Variants in CUL3 observed in about 807,000 individuals in gnomAD.
The protein encoded by CUL3 is cullin-3.
CUL3 carries 19 observed loss-of-function variants against 89.1 expected under a neutral mutation model. That is an observed-to-expected ratio of 0.21 (90% confidence interval 0.15 to 0.31). CUL3 has a LOEUF of 0.31. Among genes scored for constraint, CUL3 ranks in the 10% least tolerant of loss-of-function variants. The pLI is 1.00. For synonymous variants in CUL3, 351 were observed against 308.4 expected, an observed-to-expected ratio of 1.14 and a Z score of -1.45; for missense variants, 469 against 942.3, an observed-to-expected ratio of 0.50 and a Z score of 6.58.
Position 224,473,283 on chromosome 2 carries a change from T to C in CUL3, c.*962A>G, listed in dbSNP as rs1226303070. ...ACCACAGCTTCACCAAAATATATATTTAGGGGCAGGGAGGACCTAGGGTAT... is the reference window on the plus strand; with the variant it reads ...ACCACAGCTTCACCAAAATATATATCTAGGGGCAGGGAGGACCTAGGGTAT... On this transcript the variant is annotated 3_prime_UTR_variant, in exon 16 of 16. Transcript: ENST00000264414. 5.2e-6 allele frequency: 1 copy of C among 191,476 alleles called. No individual in the cohort carries two copies. Among genetic ancestry groups the C allele is most frequent in the African/African-American group, 2.3e-5 (1 of 43,008 alleles). 11.9% of individuals were successfully genotyped at this position (191,476 alleles called of 1,614,324 possible). A position where few individuals can be genotyped will look rare whatever the true frequency, so the allele number is the denominator to read the frequency against.
intron 14 of CUL3, chr2:224,478,648 G>C (rs745826272): frequency 4.3e-6 from 1 of 234,234 alleles, no homozygotes; most frequent in Non-Finnish European, 8.4e-6. Context: ...AAAATTACCA[G>C]TAAATAATTT....
At chr2:224,483,174 T>G (rs1254323297) in intron 13 of CUL3, among the ~76,000 whole-genome samples, 1 of 152,204 alleles carries the variant, frequency 6.6e-6, no homozygotes, top group Non-Finnish European at 1.5e-5. Flanking sequence ...TAGGTGCTAT[T>G]ATTAGAATGA....
At chr2:224,482,228 A>T (rs1691560799) in intron 13 of CUL3, 150 bp from the exon 14 acceptor site, 4 of 527,192 alleles carry the variant, frequency 7.6e-6, no homozygotes, top group Non-Finnish European at 1.3e-5. Context: ...ACTATGACAC[A>T]TCATTAAAAT....
intron 3 of CUL3, among the ~76,000 whole-genome samples, chr2:224,526,585 C>CAAAAAA (rs1166152595): frequency 1.3e-3 from 35 of 26,120 alleles, no homozygotes; most frequent in Non-Finnish European, 1.6e-3. Context: ...GACTCCGTCT[C>CAAAAAA]AAAAAAAAAA....
chr2:224,527,615 C>A (rs181719514), intron 3 of CUL3, among the ~76,000 whole-genome samples: 94 of 152,314 alleles, frequency 6.2e-4, no homozygotes, highest in Non-Finnish European at 4.4e-5. Flanking sequence ...TCCAGCCACA[C>A]ATTGATATAA....
rs1434811723 is a variant in CUL3, at chr2:224,471,273, T to C, written c.*2972A>G. ...ATATACTCTATAAAAAATTATTCTA[T>C]GAAAGTCTTAAGTTACAGTAGACAG... is the stretch of plus-strand genomic sequence containing the variant. On this transcript the variant is annotated 3_prime_UTR_variant, in exon 16 of 16. Transcript: ENST00000264414. The C allele has an allele frequency of 9.7e-6, 2 of 205,690 alleles. No homozygotes were observed. Among genetic ancestry groups the C allele is most frequent in the African/African-American group, 4.6e-5 (2 of 43,822 alleles). 12.7% of individuals were successfully genotyped at this position (205,690 alleles called of 1,614,324 possible). A position where few individuals can be genotyped will look rare whatever the true frequency, so the allele number is the denominator to read the frequency against.
chr2:224,534,169 G>C (rs1389817308), intron 3 of CUL3, among the ~76,000 whole-genome samples: 2 of 152,164 alleles, frequency 1.3e-5, no homozygotes, highest in African/African-American at 4.8e-5. Flanking sequence ...AATGAATCTA[G>C]CGTCATTCTA....
chr2:224,476,141 A>C (rs2106137984), intron 15 of CUL3, among the ~76,000 whole-genome samples: 1 of 151,924 alleles, frequency 6.6e-6, no homozygotes, highest in Non-Finnish European at 1.5e-5. Flanking sequence ...CTCCTGCCTC[A>C]GCCTCCCGAG....
intron 1 of CUL3, among the ~76,000 whole-genome samples, chr2:224,579,272 T>C (rs1297624761): frequency 2.6e-5 from 4 of 152,192 alleles, no homozygotes; most frequent in Non-Finnish European, 5.9e-5. Context: ...AATGAATCTG[T>C]TTCACTTTGT....
chr2:224,545,875 T>C (rs1034377112), intron 2 of CUL3, among the ~76,000 whole-genome samples: 6 of 152,180 alleles, frequency 3.9e-5, no homozygotes, highest in African/African-American at 1.2e-4. Flanking sequence ...TAAAGATAAT[T>C]TGCTACGTGT....
intron 2 of CUL3, among the ~76,000 whole-genome samples, chr2:224,551,527 G>A (rs1328466987): frequency 7.0e-6 from 1 of 143,288 alleles, no homozygotes; most frequent in Non-Finnish European, 1.5e-5. Context: ...TTTTTTTGTA[G>A]AGACAAGGTC....
intron 2 of CUL3, among the ~76,000 whole-genome samples, chr2:224,539,106 A>C (rs1574671722): frequency 6.6e-6 from 1 of 152,242 alleles, no homozygotes; most frequent in East Asian, 1.9e-4. Flanking sequence ...TCCAAAATAT[A>C]TAAAGAATTC....
chr2:224,471,487 T>A lies in CUL3; in HGVS notation c.*2758A>T, dbSNP rs964620984. On this transcript the variant is annotated 3_prime_UTR_variant, in exon 16 of 16. Transcript: ENST00000264414. ...TAGGCCTTTTCTGCTACCCAACATA[T>A]CCGGTGAACAAAACATCAACAGTGC... 5.2e-6 allele frequency: 1 copy of A among 193,990 alleles called. No homozygotes were observed. Among genetic ancestry groups the A allele is most frequent in the African/African-American group, 2.3e-5 (1 of 43,168 alleles). 12.0% of individuals were successfully genotyped at this position (193,990 alleles called of 1,614,324 possible). A position where few individuals can be genotyped will look rare whatever the true frequency, so the allele number is the denominator to read the frequency against.
rs1353211604 is a variant in CUL3 at position 224,471,306 on chromosome 2, T to C, written c.*2939A>G. On this transcript the variant is annotated 3_prime_UTR_variant, in exon 16 of 16. Transcript: ENST00000264414. ...TTAAGTTACAGTAGACAGGCAAAGA[T>C]AAAAATCTTTAACACTAGTTACTGA... The C allele has an allele frequency of 2.0e-5, 4 of 203,934 alleles. No homozygotes were observed. The highest frequency in any genetic ancestry group is 4.0e-5 in the Non-Finnish European group (4 of 99,520). 12.6% of individuals were successfully genotyped at this position (203,934 alleles called of 1,614,324 possible).
intron 3 of CUL3, among the ~76,000 whole-genome samples, chr2:224,530,737 T>A (rs1232889066): frequency 6.6e-6 from 1 of 151,976 alleles, no homozygotes; most frequent in African/African-American, 2.4e-5. Context: ...CGAAACCCCA[T>A]CTCTACCAAA....
At chr2:224,517,502 G>A (rs1574649971) in intron 3 of CUL3, among the ~76,000 whole-genome samples, 1 of 152,082 alleles carries the variant, frequency 6.6e-6, no homozygotes, top group Non-Finnish European at 1.5e-5. Flanking sequence ...GTGAAACCCT[G>A]TCTCTACTAA....
intron 3 of CUL3, among the ~76,000 whole-genome samples, chr2:224,525,935 T>C (rs928349914): frequency 6.6e-6 from 1 of 152,334 alleles, no homozygotes; most frequent in South Asian, 2.1e-4. Flanking sequence ...TCCTTACAGA[T>C]TCCATAGATA....
intron 15 of CUL3, among the ~76,000 whole-genome samples, chr2:224,475,854 A>G (rs556238829): frequency 6.6e-6 from 1 of 152,258 alleles, no homozygotes; most frequent in African/African-American, 2.4e-5. Context: ...TTCTATATGT[A>G]CTACATCATT....
chr2:224,513,290 T>TC (rs1311141554), intron 5 of CUL3, among the ~76,000 whole-genome samples: 2 of 152,164 alleles, frequency 1.3e-5, no homozygotes, highest in African/African-American at 2.4e-5. Context: ...TCAAGGGTCA[T>TC]CTCTGTTATT....
Sources: gnomAD v4.1 joint callset for allele counts (sites outside exome capture counted in the v4.1 genomes callset) on GRCh38, gnomAD v4.1.1 for gene constraint, MANE v1.5 for transcripts, NCBI Gene and HGNC (gene_info 2026-07-23, HGNC 2026-07-21) for gene names.